The following MEGF9 variants were observed in gnomAD, a reference collection of about 807,000 sequenced individuals.
MEGF9 encodes multiple epidermal growth factor-like domains protein 9.
Under a neutral mutation model 46.8 loss-of-function variants are expected in MEGF9, and 6 were observed. That is an observed-to-expected ratio of 0.13 (90% confidence interval 0.07 to 0.25). The LOEUF is 0.25. Ranked by LOEUF, MEGF9 falls within the 10% of genes least tolerant of loss-of-function variation. The pLI, the probability that MEGF9 is intolerant of heterozygous loss-of-function variation, is 1.00. For synonymous variants in MEGF9, 302 were observed against 330.7 expected, an observed-to-expected ratio of 0.91 and a Z score of 0.94; for missense variants, 683 against 792.4, an observed-to-expected ratio of 0.86 and a Z score of 1.66.
chr9:120,603,134 G>C lies in MEGF9; in HGVS notation c.*2056C>G, dbSNP rs991822316. 3 of 152,122 alleles carry C rather than the reference G, an allele frequency of 2.0e-5. No homozygotes were observed. Among genetic ancestry groups the C allele is most frequent in the African/African-American group, 7.2e-5 (3 of 41,424 alleles). The allele number at this position is 152,122 out of a possible 1,614,324, so 9.4% of individuals were successfully genotyped here. On this transcript the variant is annotated 3_prime_UTR_variant, in exon 6 of 6. Transcript: ENST00000373930. ...TATAGTTGAAAAAACATGTGCTTTA[G>C]AGTTAGAGGCCCTGATTCCAAGCCT...
At chr9:120,651,756 G>A (rs898631794) in intron 2 of MEGF9, among the ~76,000 whole-genome samples, 2 of 150,934 alleles carry the variant, frequency 1.3e-5, no homozygotes, top group Admixed American at 6.6e-5. Context: ...CGGTTCAAGC[G>A]ATTCTCCTGT....
chr9:120,643,979 T>C (rs1037834994), intron 2 of MEGF9, among the ~76,000 whole-genome samples: 1 of 152,172 alleles, frequency 6.6e-6, no homozygotes, highest in African/African-American at 2.4e-5. Context: ...CCTCCCAAAG[T>C]GCTGGGATAA....
rs188268670 is a variant in MEGF9 at position 120,679,738 on chromosome 9, G to A, written c.602-20163C>T. On this transcript the variant is annotated intron_variant, in intron 1 of 5. Coordinates refer to ENST00000373930, the MANE Select transcript of MEGF9 (RefSeq NM_001080497.3). ...AGATCACCTGAGGCCAGGAGTTTGA[G>A]ACCAGCCTGGCCAACATAGTGAAAC... Among the ~76,000 whole-genome samples the A allele has an allele frequency of 1.7e-3, 259 of 152,206 alleles. 3 individuals are homozygous for A. The highest frequency in any genetic ancestry group is 0.017 in the Middle Eastern group (5 of 294).
intron 1 of MEGF9, among the ~76,000 whole-genome samples, chr9:120,705,475 T>C (rs529245787): frequency 6.7e-6 from 1 of 148,354 alleles, no homozygotes; most frequent in Admixed American, 6.8e-5. Context: ...ATAAAAGATA[T>C]GAGTGAGAGG....
chr9:120,616,781 T>C (rs1214645464), intron 3 of MEGF9, among the ~76,000 whole-genome samples: 1 of 152,166 alleles, frequency 6.6e-6, no homozygotes, highest in Non-Finnish European at 1.5e-5. Context: ...AGCAAACAGC[T>C]TCTCTGATTT....
intron 4 of MEGF9, among the ~76,000 whole-genome samples, chr9:120,611,880 A>AGG (rs2043448744): frequency 6.8e-6 from 1 of 147,928 alleles, no homozygotes; most frequent in African/African-American, 2.6e-5. Context: ...AGAGAGAGAG[A>AGG]GAGAGAAAGA....
intron 1 of MEGF9, among the ~76,000 whole-genome samples, chr9:120,668,973 A>G (rs113294866): frequency 3.1e-4 from 47 of 152,336 alleles, no homozygotes; most frequent in African/African-American, 1.1e-3. Context: ...CTAATTAACC[A>G]GCTCTAGGAC....
At position 120,714,345 on chromosome 9, in the gene MEGF9, G is replaced by C; in HGVS notation, c.14C>G (p.Ala5Gly). The C allele has an allele frequency of 7.5e-7, 1 of 1,341,608 alleles. No homozygotes were observed. Among genetic ancestry groups the C allele is most frequent in the Non-Finnish European group, 9.6e-7 (1 of 1,044,508 alleles). 83.1% of individuals were successfully genotyped at this position (1,341,608 alleles called of 1,614,324 possible). ...CGGCAGGCTCCTCATGGCGCGCTCG[G>C]CTCCGCCATTCATTCATTCAGCCAG... MNGG[A>G]ERAMRSLPSL... The change falls in exon 1 of 6, where the codon GCC becomes GGC. Residue 5 changes from alanine (A) to glycine (G), a missense_variant. By Grantham distance (60) the Ala-to-Gly change is moderately conservative (BLOSUM62 0). Transcript: ENST00000373930.
chr9:120,633,966 C>A (rs554001720), intron 2 of MEGF9, among the ~76,000 whole-genome samples: 23 of 152,204 alleles, frequency 1.5e-4, no homozygotes, highest in South Asian at 8.3e-4. Flanking sequence ...AATATTAATT[C>A]TTTTAAATTT....
intron 4 of MEGF9, among the ~76,000 whole-genome samples, chr9:120,608,548 C>G (rs1027404154): frequency 1.1e-4 from 17 of 152,264 alleles, no homozygotes; most frequent in African/African-American, 3.9e-4. Context: ...GCTCATTTTC[C>G]ATGGGTGGCC....
At chr9:120,683,753 G>A (rs1212052083) in intron 1 of MEGF9, among the ~76,000 whole-genome samples, 4 of 152,006 alleles carry the variant, frequency 2.6e-5, no homozygotes, top group African/African-American at 9.7e-5. Context: ...AATTAGCCAG[G>A]TGTGGGGGCA....
chr9:120,618,815 G>T (rs6478478), intron 3 of MEGF9, among the ~76,000 whole-genome samples: 3 of 151,414 alleles, frequency 2.0e-5, no homozygotes, highest in Middle Eastern at 3.4e-3. Flanking sequence ...CAGAAGAATC[G>T]CTTGAACCCG....
At chr9:120,650,823 T>G (rs1334285715) in intron 2 of MEGF9, among the ~76,000 whole-genome samples, 5 of 152,076 alleles carry the variant, frequency 3.3e-5, no homozygotes, top group Non-Finnish European at 7.4e-5. Flanking sequence ...TTTTCATGTT[T>G]TTTTTTTTCT....
intron 1 of MEGF9, among the ~76,000 whole-genome samples, chr9:120,683,515 T>C (rs183275049): frequency 1.5e-4 from 23 of 152,360 alleles, no homozygotes; most frequent in Admixed American, 1.3e-3. Flanking sequence ...CTGCTCTTGC[T>C]AGCTCTCTTT....
At chr9:120,680,768 C>T (rs74723012) in intron 1 of MEGF9, among the ~76,000 whole-genome samples, 2,366 of 152,284 alleles carry the variant, frequency 0.016, 57 homozygotes, top group African/African-American at 0.054. Context: ...GTCCTTCTCA[C>T]TCTTCCCCCC....
Position 120,713,903 on chromosome 9 carries a change from A to G in MEGF9, c.456T>C (p.Thr152=). Residue 152 remains threonine (T), a synonymous_variant, in exon 1 of 6, where the codon ACT becomes ACC. Coordinates refer to ENST00000373930, the MANE Select transcript of MEGF9 (RefSeq NM_001080497.3). The part of the protein sequence containing the change: ...RPAPTTLSTT[T]GPAPTTPVAT... The stretch of plus-strand genomic sequence containing the variant: ...CTACAGGGGTGGTCGGCGCCGGGCC[A>G]GTGGTCGTCGAAAGGGTGGTCGGCG... 7.5e-7 allele frequency: 1 copy of G among 1,331,410 alleles called. No individual in the cohort carries two copies. The highest frequency in any genetic ancestry group is 3.0e-5 in the Admixed American group (1 of 33,424). The allele number at this position is 1,331,410 out of a possible 1,614,324, so 82.5% of individuals were successfully genotyped here.
chr9:120,685,864 T>C (rs2043820038), intron 1 of MEGF9, among the ~76,000 whole-genome samples: 1 of 152,178 alleles, frequency 6.6e-6, no homozygotes, highest in Non-Finnish European at 1.5e-5. Flanking sequence ...GGCATCTATA[T>C]ACAATGGAAT....
intron 1 of MEGF9, among the ~76,000 whole-genome samples, chr9:120,706,453 T>G (rs548663016): frequency 1.3e-5 from 2 of 152,060 alleles, no homozygotes; most frequent in Admixed American, 1.3e-4. Context: ...AACAAATCTC[T>G]CCATCACAGA....
chr9:120,671,602 A>G (rs1054452024), intron 1 of MEGF9, among the ~76,000 whole-genome samples: 7 of 152,240 alleles, frequency 4.6e-5, no homozygotes, highest in African/African-American at 1.7e-4. Context: ...CCTATTAAAG[A>G]AATAGAATTT....
Sources: gnomAD v4.1 joint callset for allele counts (sites outside exome capture counted in the v4.1 genomes callset) on GRCh38, gnomAD v4.1.1 for gene constraint, MANE v1.5 for transcripts, NCBI Gene and HGNC (gene_info 2026-07-23, HGNC 2026-07-21) for gene names.